Variants in PTER observed in about 807,000 individuals in gnomAD.
PTER encodes the protein N-acetyltaurine hydrolase.
PTER carries 38 observed loss-of-function variants against 29.6 expected under a neutral mutation model. That is an observed-to-expected ratio of 1.28 (90% CI 0.99 to 1.68). PTER has a LOEUF of 1.68. PTER is among the 40% of genes most tolerant of loss of function. PTER has a pLI of 0.00. For missense variants in PTER, 482 were observed against 427.8 expected (o/e 1.13, Z -1.12); for synonymous variants, 172 against 154.5 (o/e 1.11, Z -0.84).
intron 1 of PTER, among the ~76,000 whole-genome samples, chr10:16,476,923 T>TTTTTTTTTTTTA (rs1835290717): frequency 6.9e-6 from 1 of 145,750 alleles, no homozygotes; most frequent in African/African-American, 2.6e-5. Context: ...TTTTTTTTTT[T>TTTTTTTTTTTTA]GAGACAGGGT....
At chr10:16,509,999 A>G (rs1836750372) in intron 4 of PTER, among the ~76,000 whole-genome samples, 1 of 152,214 alleles carries the variant, frequency 6.6e-6, no homozygotes. Context: ...CTAGGACACC[A>G]AGAAATGCTT....
downstream of PTER, among the ~76,000 whole-genome samples, chr10:16,516,945 A>G (rs1313083378): frequency 6.6e-6 from 1 of 152,182 alleles, no homozygotes; most frequent in Non-Finnish European, 1.5e-5. Flanking sequence ...GCCATACTCC[A>G]GTGTACCTGG....
At chr10:16,506,441 T>A (rs1836568756) in intron 4 of PTER, among the ~76,000 whole-genome samples, 1 of 152,214 alleles carries the variant, frequency 6.6e-6, no homozygotes, top group Non-Finnish European at 1.5e-5. Flanking sequence ...TCCACAGGGT[T>A]ACTATAGAAT....
chr10:16,502,439 G>T (rs1473177439), intron 3 of PTER, among the ~76,000 whole-genome samples: 2 of 152,144 alleles, frequency 1.3e-5, no homozygotes, highest in Non-Finnish European at 2.9e-5. Flanking sequence ...GATGGAAAAT[G>T]AGTAGTATTA....
At chr10:16,438,277 T>C (rs943086174) in intron 1 of PTER, among the ~76,000 whole-genome samples, 2 of 151,764 alleles carry the variant, frequency 1.3e-5, no homozygotes, top group Non-Finnish European at 2.9e-5. Context: ...GTGCTGGGAT[T>C]ACAGGCGTAA....
intron 1 of PTER, among the ~76,000 whole-genome samples, chr10:16,467,265 G>T (rs569138357): frequency 1.3e-5 from 2 of 152,084 alleles, no homozygotes; most frequent in Non-Finnish European, 2.9e-5. Flanking sequence ...ATTAGTTATT[G>T]TTGCTAATCT....
intron 1 of PTER, among the ~76,000 whole-genome samples, chr10:16,479,100 G>A (rs1835385732): frequency 6.6e-6 from 1 of 151,668 alleles, no homozygotes; most frequent in South Asian, 2.1e-4. Context: ...AAAAAAAAAG[G>A]AAAGCTTGGG....
intron 1 of PTER, among the ~76,000 whole-genome samples, chr10:16,467,478 T>C (rs1273951532): frequency 6.6e-6 from 1 of 152,184 alleles, no homozygotes; most frequent in Non-Finnish European, 1.5e-5. Flanking sequence ...AAAAAGGCTA[T>C]GTATTCCTAT....
intron 1 of PTER, among the ~76,000 whole-genome samples, chr10:16,451,921 T>A (rs146808741): frequency 3.9e-4 from 59 of 152,248 alleles, no homozygotes; most frequent in African/African-American, 1.3e-3. Flanking sequence ...TTTCATCAGT[T>A]CTTGTGAAAC....
chr10:16,492,471 AC>A (rs1835934563), intron 3 of PTER, among the ~76,000 whole-genome samples: 1 of 152,222 alleles, frequency 6.6e-6, no homozygotes, highest in African/African-American at 2.4e-5. Flanking sequence ...ATTAAAAAAA[AC>A]AACACCCCAC....
chr10:16,443,992 T>C (rs1481648143), intron 1 of PTER, among the ~76,000 whole-genome samples: 1 of 150,986 alleles, frequency 6.6e-6, no homozygotes, highest in African/African-American at 2.4e-5. Flanking sequence ...CCTAGGAAGC[T>C]AAAAACTTTT....
chr10:16,500,613 C>T (rs1033431547), intron 3 of PTER, among the ~76,000 whole-genome samples: 6 of 152,184 alleles, frequency 3.9e-5, no homozygotes, highest in African/African-American at 1.4e-4. Context: ...TAGTCTTCCT[C>T]TAGAAAGACA....
intron 1 of PTER, 53 bp from the exon 2 acceptor site, chr10:16,484,284 T>C: frequency 8.4e-7 from 1 of 1,186,598 alleles, no homozygotes; most frequent in Non-Finnish European, 1.2e-6. Flanking sequence ...CAAGAGTTTA[T>C]GTGTGTGTTA....
chr10:16,483,376 C>T (rs1172639598), intron 1 of PTER, among the ~76,000 whole-genome samples: 1 of 152,126 alleles, frequency 6.6e-6, no homozygotes, highest in Non-Finnish European at 1.5e-5. Context: ...AGGTTCGTTT[C>T]TTGTTGTTAT....
chr10:16,438,922 A>G (rs1833752952), intron 1 of PTER, among the ~76,000 whole-genome samples: 1 of 143,290 alleles, frequency 7.0e-6, no homozygotes, highest in Non-Finnish European at 1.5e-5. Context: ...CTCTGTCTCA[A>G]AAAAAAAAAA....
chr10:16,485,249 T>G (rs1228086204), intron 2 of PTER, among the ~76,000 whole-genome samples: 2 of 152,164 alleles, frequency 1.3e-5, no homozygotes, highest in African/African-American at 4.8e-5. Flanking sequence ...AGGGTGAAAC[T>G]TGGCAGTCAA....
intron 1 of PTER, among the ~76,000 whole-genome samples, chr10:16,443,962 T>C (rs1833931153): frequency 1.3e-5 from 2 of 152,134 alleles, no homozygotes; most frequent in Admixed American, 1.3e-4. Context: ...AACAGAAAGG[T>C]CTGTGAGAAA....
At chr10:16,451,643 C>T (rs1274428076) in intron 1 of PTER, among the ~76,000 whole-genome samples, 2 of 152,150 alleles carry the variant, frequency 1.3e-5, no homozygotes, top group African/African-American at 4.8e-5. Flanking sequence ...ACCCGGGAGG[C>T]AGAGGTTGCA....
At chr10:16,490,993 A>G (rs1356480001) in intron 3 of PTER, among the ~76,000 whole-genome samples, 1 of 152,030 alleles carries the variant, frequency 6.6e-6, no homozygotes, top group Non-Finnish European at 1.5e-5. Context: ...ATTTATGTAT[A>G]TACACACACA....
Sources: allele counts gnomAD v4.1 joint callset (sites outside exome capture counted in the v4.1 genomes callset), GRCh38; gene constraint gnomAD v4.1.1; transcripts MANE v1.5; gene names NCBI Gene and HGNC (gene_info 2026-07-23, HGNC 2026-07-21).